The following CHEK2 variants were observed in gnomAD, a reference collection of about 807,000 sequenced individuals.
CHEK2 encodes the protein serine/threonine-protein kinase Chk2.
CHEK2 carries 71 observed loss-of-function variants against 69.1 expected under a neutral mutation model. The ratio of observed to expected loss-of-function variants is 1.03; its 90% CI spans 0.85 to 1.25. CHEK2 has a LOEUF of 1.25. Ranked by LOEUF, CHEK2 falls within the 50% of genes most tolerant of loss-of-function variation. The probability of loss-of-function intolerance (pLI) is 0.00; values close to 1 mark genes in which losing one functional copy is unlikely to be tolerated. For synonymous variants in CHEK2, 189 were observed against 226.9 expected (o/e 0.83, Z 1.50); for missense variants, 664 against 649.6 (o/e 1.02, Z -0.24).
intron 13 of CHEK2, among the ~76,000 whole-genome samples, chr22:28,693,334 T>C (rs2052436439): frequency 6.6e-6 from 1 of 152,114 alleles, no homozygotes; most frequent in Non-Finnish European, 1.5e-5. Context: ...AAAGTGCAGG[T>C]GACAGCCTTC....
intron 5 of CHEK2, among the ~76,000 whole-genome samples, chr22:28,712,819 CA>C (rs1031672266): frequency 6.6e-6 from 1 of 152,170 alleles, no homozygotes; most frequent in African/African-American, 2.4e-5. Flanking sequence ...ATACATAACA[CA>C]AAATTTACCA....
At chr22:28,702,335 T>C (rs2052904304) in intron 8 of CHEK2, among the ~76,000 whole-genome samples, 1 of 151,286 alleles carries the variant, frequency 6.6e-6, no homozygotes, top group Non-Finnish European at 1.5e-5. Context: ...GCCTCCTGGG[T>C]TCACGCCATT....
chr22:28,717,609 C>G (rs920314129), intron 5 of CHEK2, among the ~76,000 whole-genome samples: 10 of 151,876 alleles, frequency 6.6e-5, no homozygotes, highest in African/African-American at 2.2e-4. Context: ...GGAGTGGTGG[C>G]TCACGCCTAT....
Position 28,699,922 on chromosome 22 carries a change from C to CT in CHEK2, c.923dup (p.Leu309AlafsTer3). 6.2e-7 allele frequency: 1 copy of CT among 1,613,822 alleles called. No individual in the cohort carries two copies. The highest frequency in any genetic ancestry group is 1.1e-5 in the South Asian group (1 of 91,050). On this transcript the variant is annotated frameshift_variant, in exon 9 of 15. Transcript: ENST00000404276. LOFTEE classifies it high-confidence loss of function. Reference sequence around the variant, plus strand: ...TATTCCCCACCACTTTGTCAAACAGCTCTCCCCCTTCCATCCTGAAACACA... The same window carrying CT: ...TATTCCCCACCACTTTGTCAAACAGCTTCTCCCCCTTCCATCCTGAAACACA...
chr22:28,713,412 T>C (rs2053476838), intron 5 of CHEK2, among the ~76,000 whole-genome samples: 2 of 151,342 alleles, frequency 1.3e-5, no homozygotes, highest in Admixed American at 6.6e-5. Context: ...CAGGCTGGAG[T>C]GCAGTGGCGT....
At chr22:28,723,611 G>GA (rs57306171) in intron 4 of CHEK2, among the ~76,000 whole-genome samples, 1 of 121,018 alleles carries the variant, frequency 8.3e-6, no homozygotes, top group African/African-American at 3.2e-5. Context: ...GAAAAAAAAA[G>GA]AAAAAAAAAA....
At chr22:28,703,661 C>T (rs1386968719) in intron 7 of CHEK2, 95 bp from the exon 8 acceptor site, 2 of 795,126 alleles carry the variant, frequency 2.5e-6, no homozygotes, top group Non-Finnish European at 4.2e-6. Context: ...GACAGGGAGG[C>T]CAAGAACAGG....
intron 1 of CHEK2, chr22:28,737,831 G>A (rs1381527657): frequency 6.5e-6 from 1 of 152,770 alleles, no homozygotes; most frequent in Non-Finnish European, 1.5e-5. Flanking sequence ...GATCGCAGCT[G>A]ACCATTGGTA....
intron 7 of CHEK2, among the ~76,000 whole-genome samples, chr22:28,705,815 A>T (rs1379930783): frequency 1.3e-5 from 2 of 151,808 alleles, no homozygotes; most frequent in Non-Finnish European, 2.9e-5. Flanking sequence ...AATCCGAGCT[A>T]CTTGGGAGGC....
At position 28,694,146 on chromosome 22, in the gene CHEK2, G is replaced by A. The variant is rs755557829; in HGVS notation, c.1376-29C>T. ...AAGCAACAATTGGGCAAATCACAGT[G>A]AAAAGGATAAATATATTATCAGTAA... On this transcript the variant is annotated intron_variant, in intron 12 of 14. Coordinates refer to ENST00000404276, the MANE Select transcript of CHEK2 (RefSeq NM_007194.4). The A allele has an allele frequency of 3.5e-6, 5 of 1,434,718 alleles. No individual in the cohort carries two copies. The South Asian group carries it at 4.6e-5, about 13-fold the overall frequency. 88.9% of individuals were successfully genotyped at this position (1,434,718 alleles called of 1,614,324 possible).
rs730881681 is a variant in CHEK2 at position 28,725,365 on chromosome 22, A to T, written c.322T>A (p.Cys108Ser). 5.0e-6 allele frequency: 8 copies of T among 1,614,068 alleles called. No homozygotes were observed. The South Asian group carries it at 7.7e-5, about 16-fold the overall frequency. The change falls in exon 3 of 15, where the codon TGT (cysteine) becomes AGT (serine). Residue 108 changes from cysteine (C) to serine (S), a missense_variant and splice_region_variant. Transcript: ENST00000404276. ...ALQDGFANLE[C>S]VNDNYWFGRD... ...CCAAACCAGTAGTTGTCATTCACACATTCTGTAATATAAAAGCATGCATCA... is the reference window on the plus strand; with the variant it reads ...CCAAACCAGTAGTTGTCATTCACACTTTCTGTAATATAAAAGCATGCATCA...
At chr22:28,736,396 T>C (rs941636311) in intron 1 of CHEK2, among the ~76,000 whole-genome samples, 5 of 152,216 alleles carry the variant, frequency 3.3e-5, no homozygotes, top group African/African-American at 1.2e-4. Flanking sequence ...GAAACACACC[T>C]GTTCGTTCAA....
intron 13 of CHEK2, among the ~76,000 whole-genome samples, chr22:28,692,600 G>A (rs1569108249): frequency 6.6e-6 from 1 of 152,192 alleles, no homozygotes. Context: ...AGAAGTACGG[G>A]TCGGAGGCTG....
At chr22:28,692,725 G>C (rs1331269677) in intron 13 of CHEK2, among the ~76,000 whole-genome samples, 311 of 142,158 alleles carry the variant, frequency 2.2e-3, no homozygotes, top group South Asian at 4.7e-3. Context: ...AAAACGGATT[G>C]ATACAGTTTG....
rs1204784818 is a variant in CHEK2 at position 28,693,515 on chromosome 22, G to A, written c.1461+517C>T. ...CTGGAATGCACCCCACCTATGAAGA[G>A]CAGTGGACATGGCTGGGGGTAGAGC... On this transcript the variant is annotated intron_variant, in intron 13 of 14. Coordinates refer to ENST00000404276, the MANE Select transcript of CHEK2 (RefSeq NM_007194.4). Among the ~76,000 whole-genome samples, 9 of 152,222 alleles carry A rather than the reference G, an allele frequency of 5.9e-5. No individual in the cohort carries two copies. The East Asian group carries it at 1.7e-3, about 29-fold the overall frequency.
intron 2 of CHEK2, among the ~76,000 whole-genome samples, chr22:28,730,149 G>T (rs907202882): frequency 1.4e-5 from 2 of 147,494 alleles, no homozygotes; most frequent in Non-Finnish European, 1.5e-5. Flanking sequence ...ACCCCAGAAA[G>T]AACTTTTATG....
Position 28,710,070 on chromosome 22 carries a change from C to G in CHEK2, c.793-11G>C, listed in dbSNP as rs5997387. 6.5e-7 allele frequency: 1 copy of G among 1,527,242 alleles called. No individual in the cohort carries two copies. Among genetic ancestry groups the G allele is most frequent in the Non-Finnish European group, 9.1e-7 (1 of 1,104,612 alleles). The allele number at this position is 1,527,242 out of a possible 1,614,324, so 94.6% of individuals were successfully genotyped here. ...ATTGAGAGCTGGGTCCTTTGATAAA[C>G]AGAATAACAGAGTTTATTAGTAATA... is the stretch of plus-strand genomic sequence containing the variant. On this transcript the variant is annotated splice_polypyrimidine_tract_variant and intron_variant, in intron 6 of 14. Transcript: ENST00000404276.
At chr22:28,692,710 C>T (rs1466552029) in intron 13 of CHEK2, among the ~76,000 whole-genome samples, 1 of 152,008 alleles carries the variant, frequency 6.6e-6, no homozygotes, top group Non-Finnish European at 1.5e-5. Flanking sequence ...CCCCCATCTC[C>T]ACAGAAAACG....
intron 8 of CHEK2, among the ~76,000 whole-genome samples, chr22:28,702,147 G>GTGTC (rs2052889222): frequency 6.6e-6 from 1 of 150,398 alleles, no homozygotes; most frequent in African/African-American, 2.4e-5. Flanking sequence ...GTGTGTGTGT[G>GTGTC]TGTGTGTGTG....
Sources: allele counts gnomAD v4.1 joint callset (sites outside exome capture counted in the v4.1 genomes callset), GRCh38; gene constraint gnomAD v4.1.1; transcripts MANE v1.5; gene names NCBI Gene and HGNC (gene_info 2026-07-23, HGNC 2026-07-21).